The following ARHGAP40 variants were observed in gnomAD, a reference collection of about 807,000 sequenced individuals.
ARHGAP40 encodes Rho GTPase activating protein 40, also known as rho GTPase-activating protein 40.
A neutral mutation model predicts 73.5 loss-of-function variants in ARHGAP40; 43 were observed. The observed-to-expected ratio is 0.58, with a 90% CI of 0.46 to 0.75. The LOEUF (loss-of-function observed/expected upper bound fraction) is 0.75, where lower values mean the gene tolerates loss of function less well. Among genes scored for constraint, ARHGAP40 ranks in the 30% least tolerant of loss-of-function variants. ARHGAP40 has a pLI of 0.00. For missense variants in ARHGAP40, 734 were observed against 861.8 expected (o/e 0.85, Z 1.86); for synonymous variants, 300 against 352.8 (o/e 0.85, Z 1.68).
intron 4 of ARHGAP40, 59 bp downstream of exon 4, chr20:38,629,061 T>A: frequency 8.2e-7 from 1 of 1,219,228 alleles, no homozygotes; most frequent in South Asian, 1.3e-5. Flanking sequence ...AAAGGGCTGC[T>A]CTGTGAAGTA....
intron 2 of ARHGAP40, among the ~76,000 whole-genome samples, chr20:38,625,645 C>G (rs1004970490): frequency 2.0e-5 from 3 of 152,190 alleles, no homozygotes; most frequent in Non-Finnish European, 4.4e-5. Context: ...TCTTGAAATC[C>G]TGATCTCAGG....
exon 4 of ARHGAP40, chr20:38,628,933 T>C (rs563090999): frequency 7.7e-7 from 1 of 1,304,342 alleles, no homozygotes; most frequent in Non-Finnish European, 1.0e-6. Flanking sequence ...ATAGAAAATG[T>C]CGTCAGAGAA....
At chr20:38,647,170 AGG>A in intron 13 of ARHGAP40, 44 bp downstream of exon 13, 1 of 1,283,238 alleles carries the variant, frequency 7.8e-7, no homozygotes, top group Non-Finnish European at 1.0e-6. Flanking sequence ...CCCTGCAGGG[AGG>A]GCTCTGCACC....
rs745550245 is a variant in ARHGAP40, at chr20:38,641,823, G to A, written c.1362+15G>A. On this transcript the variant is annotated intron_variant, in intron 10 of 14. Coordinates refer to ENST00000373345, the Ensembl canonical transcript of ARHGAP40. ...ATGCCTTAAAGGTAAGAGTTACCAT[G>A]CACCACCACCACTCTGCCATCTCAG... is the stretch of plus-strand genomic sequence containing the variant. 47 of 1,274,894 alleles carry A rather than the reference G, an allele frequency of 3.7e-5. No individual in the cohort carries two copies. Among genetic ancestry groups the A allele is most frequent in the Non-Finnish European group, 6.1e-6 (6 of 976,638 alleles). The allele number at this position is 1,274,894 out of a possible 1,614,324, so 79.0% of individuals were successfully genotyped here.
At chr20:38,613,491 T>C (rs1266490775) in intron 1 of ARHGAP40, among the ~76,000 whole-genome samples, 1 of 152,188 alleles carries the variant, frequency 6.6e-6, no homozygotes, top group Non-Finnish European at 1.5e-5. Context: ...AGTTTGGGTG[T>C]CATTGGTCTG....
exon 11 of ARHGAP40, chr20:38,643,819 C>A: frequency 7.7e-7 from 1 of 1,305,548 alleles, no homozygotes; most frequent in Non-Finnish European, 1.0e-6. Context: ...GGGCGGCCCC[C>A]CAAGCTCCCC....
chr20:38,649,688 G>A, intron 14 of ARHGAP40, 69 bp from the exon 15 acceptor site: 1 of 982,220 alleles, frequency 1.0e-6, no homozygotes, highest in African/African-American at 1.7e-5. Flanking sequence ...CCTGGTGAAG[G>A]GCTCTGTGCA....
At chr20:38,603,989 A>G (rs1374221509) in intron 1 of ARHGAP40, among the ~76,000 whole-genome samples, 1 of 152,210 alleles carries the variant, frequency 6.6e-6, no homozygotes, top group East Asian at 1.9e-4. Context: ...CCCCCAACTC[A>G]AGATCCTTAG....
intron 3 of ARHGAP40, among the ~76,000 whole-genome samples, chr20:38,628,117 G>A (rs2088914093): frequency 6.6e-6 from 1 of 152,224 alleles, no homozygotes; most frequent in Non-Finnish European, 1.5e-5. Flanking sequence ...GAGCAGTTCT[G>A]CCTTTTAATT....
At chr20:38,640,670 C>A (rs191585599) in intron 9 of ARHGAP40, among the ~76,000 whole-genome samples, 1 of 152,144 alleles carries the variant, frequency 6.6e-6, no homozygotes, top group African/African-American at 2.4e-5. Flanking sequence ...CCTCCTGGGC[C>A]CCTCCTTCCC....
At chr20:38,610,883 C>CTTTTTTTTTTTTTTTTTTTTTTTTT (rs60110231) in intron 1 of ARHGAP40, among the ~76,000 whole-genome samples, 2 of 139,054 alleles carry the variant, frequency 1.4e-5, no homozygotes. Flanking sequence ...GATGTCTTTT[C>CTTTTTTTTTTTTTTTTTTTTTTTTT]TTTTTTTTTT....
At chr20:38,616,719 A>G (rs2088841769) in intron 1 of ARHGAP40, among the ~76,000 whole-genome samples, 1 of 152,184 alleles carries the variant, frequency 6.6e-6, no homozygotes, top group African/African-American at 2.4e-5. Context: ...GAATTAATCC[A>G]TGCTAAGCAG....
intron 5 of ARHGAP40, among the ~76,000 whole-genome samples, chr20:38,630,054 C>CTTTT (rs1568608454): frequency 2.7e-5 from 4 of 148,166 alleles, no homozygotes; most frequent in African/African-American, 1.0e-4. Context: ...CCTCCTCCTC[C>CTTTT]TTCTTTTTTC....
intron 1 of ARHGAP40, among the ~76,000 whole-genome samples, chr20:38,617,212 G>C (rs888079507): frequency 6.6e-6 from 1 of 152,178 alleles, no homozygotes. Context: ...GACTCATCCC[G>C]ATGGCCCGCA....
At chr20:38,642,521 C>G (rs2089025578) in intron 10 of ARHGAP40, among the ~76,000 whole-genome samples, 3 of 152,162 alleles carry the variant, frequency 2.0e-5, no homozygotes, top group African/African-American at 7.2e-5. Context: ...CATGAGGAAT[C>G]ATGGGGTAGA....
Position 38,601,955 on chromosome 20 carries a change from GC to G in ARHGAP40, c.16del (p.Leu6SerfsTer15), listed in dbSNP as rs1264406535. On this transcript the variant is annotated frameshift_variant, in exon 1 of 15. Transcript: ENST00000373345. LOFTEE classifies it high-confidence loss of function. ...GAGGTGCCAGCCCATGGCCGAGCCT[GC>G]CCTCCTCCCCGCCGCCCAGATGGAG... is the stretch of plus-strand genomic sequence containing the variant. 2 of 1,287,810 alleles carry G rather than the reference GC, an allele frequency of 1.6e-6. No individual in the cohort carries two copies. Among genetic ancestry groups the G allele is most frequent in the African/African-American group, 1.5e-5 (1 of 65,786 alleles). 79.8% of individuals were successfully genotyped at this position (1,287,810 alleles called of 1,614,324 possible). A position where few individuals can be genotyped will look rare whatever the true frequency, so the allele number is the denominator to read the frequency against.
At chr20:38,643,852 C>T in exon 11 of ARHGAP40, 1 of 1,305,362 alleles carries the variant, frequency 7.7e-7, no homozygotes, top group Non-Finnish European at 1.0e-6. Flanking sequence ...AAGCAGCTGG[C>T]AGAAGGGGCA....
chr20:38,650,004 A>G, exon 15 of ARHGAP40: 3 of 458,660 alleles, frequency 6.5e-6, no homozygotes, highest in Non-Finnish European at 1.2e-5. Flanking sequence ...CCCCTCAGAA[A>G]TAGACTCAGG....
chr20:38,646,285 G>T lies in ARHGAP40; in HGVS notation c.1710+98G>T. 2.6e-6 allele frequency: 3 copies of T among 1,175,712 alleles called. No homozygotes were observed. The South Asian group carries it at 4.7e-5, about 18-fold the overall frequency. 72.8% of individuals were successfully genotyped at this position (1,175,712 alleles called of 1,614,324 possible). A position where few individuals can be genotyped will look rare whatever the true frequency, so the allele number is the denominator to read the frequency against. Reference sequence around the variant, plus strand: ...CCTTCCTCCAGGTCCCCGCTACCGGGCTGCCAGCAACGGCCCAGTGAGGCC... The same window carrying T: ...CCTTCCTCCAGGTCCCCGCTACCGGTCTGCCAGCAACGGCCCAGTGAGGCC... On this transcript the variant is annotated intron_variant, in intron 12 of 14. Coordinates refer to ENST00000373345, the Ensembl canonical transcript of ARHGAP40. This position sits in a 1 kb window ranked among gnomAD's most constrained non-coding sequence, Gnocchi z 4.5.
Sources: allele counts gnomAD v4.1 joint callset (sites outside exome capture counted in the v4.1 genomes callset), GRCh38; gene constraint gnomAD v4.1.1; non-coding constraint Gnocchi (gnomAD v3.1); transcripts MANE v1.5; gene names NCBI Gene and HGNC (gene_info 2026-07-23, HGNC 2026-07-21).